Variants in ANKH observed in about 807,000 individuals in gnomAD.
ANKH encodes the protein ANKH inorganic pyrophosphate transport regulator.
ANKH carries 15 observed loss-of-function variants against 49.0 expected under a neutral mutation model. That is an observed-to-expected ratio of 0.31 (90% CI 0.20 to 0.47). The LOEUF is 0.47. Ranked by LOEUF, ANKH falls within the 20% of genes least tolerant of loss-of-function variation. The pLI, the probability that ANKH is intolerant of heterozygous loss-of-function variation, is 1.00. For synonymous variants in ANKH, 273 were observed against 260.0 expected (o/e 1.05, Z -0.48); for missense variants, 429 against 652.0 (o/e 0.66, Z 3.72).
intron 1 of ANKH, among the ~76,000 whole-genome samples, chr5:14,785,693 T>G (rs369353000): frequency 4.6e-5 from 7 of 152,348 alleles, no homozygotes; most frequent in African/African-American, 1.7e-4. Flanking sequence ...AATTTTAATA[T>G]AAATGTTAAG....
chr5:14,783,114 A>G (rs1027200451), intron 1 of ANKH, among the ~76,000 whole-genome samples: 1 of 152,074 alleles, frequency 6.6e-6, no homozygotes, highest in Non-Finnish European at 1.5e-5. Context: ...GGTCTGGGGC[A>G]CTTGATCTCG....
intron 1 of ANKH, among the ~76,000 whole-genome samples, chr5:14,792,077 AC>A: frequency 1.3e-5 from 2 of 152,218 alleles, no homozygotes; most frequent in East Asian, 3.9e-4. Context: ...ATCCTTTGGG[AC>A]GAGGGTGGAG....
chr5:14,754,592 T>TACAC (rs137954196), intron 4 of ANKH, among the ~76,000 whole-genome samples: 3,033 of 151,660 alleles, frequency 0.02, 47 homozygotes, highest in Non-Finnish European at 0.029. Context: ...TGCTAGTATT[T>TACAC]ACACACACAC....
chr5:14,744,064 A>G lies in ANKH; in HGVS notation c.915+1806T>C, dbSNP rs74560720. Among the ~76,000 whole-genome samples, 6 of 152,222 alleles carry G rather than the reference A, an allele frequency of 3.9e-5. No individual in the cohort carries two copies. The East Asian group carries it at 1.2e-3, about 29-fold the overall frequency. On this transcript the variant is annotated intron_variant, in intron 7 of 11. Coordinates refer to ENST00000284268, the MANE Select transcript of ANKH (RefSeq NM_054027.6). ...AAATTTAGCAAGAAGACATACATTC[A>G]TGCTGGTTTTCTAGGATTTACTTCT...
intron 1 of ANKH, among the ~76,000 whole-genome samples, chr5:14,808,099 T>C (rs1740760132): frequency 6.6e-6 from 1 of 152,196 alleles, no homozygotes; most frequent in African/African-American, 2.4e-5. Flanking sequence ...TTTTGAAAAC[T>C]GTTTTTTTAA....
At chr5:14,870,787 G>GAAAGA (rs1554011811) in intron 1 of ANKH, 4 of 142,788 alleles carry the variant, frequency 2.8e-5, no homozygotes, top group Non-Finnish European at 4.6e-5. Context: ...AAGAAAGAAA[G>GAAAGA]AAAAAAAAAG....
intron 1 of ANKH, among the ~76,000 whole-genome samples, chr5:14,785,753 A>G (rs1449069099): frequency 1.3e-5 from 2 of 152,326 alleles, no homozygotes; most frequent in Middle Eastern, 3.4e-3. Context: ...TATGTTTATT[A>G]TTTAAAAGTA....
At chr5:14,807,503 T>G (rs1420343147) in intron 1 of ANKH, among the ~76,000 whole-genome samples, 1 of 152,192 alleles carries the variant, frequency 6.6e-6, no homozygotes, top group East Asian at 1.9e-4. Flanking sequence ...CATGTCTTCC[T>G]AGGTACCGAT....
At chr5:14,805,485 TAC>T (rs111728811) in intron 1 of ANKH, among the ~76,000 whole-genome samples, 1,698 of 131,944 alleles carry the variant, frequency 0.013, 30 homozygotes, top group African/African-American at 0.037. Flanking sequence ...GTTTATAGGA[TAC>T]ACACACACAC....
chr5:14,750,388 C>A (rs1257342410), intron 5 of ANKH, among the ~76,000 whole-genome samples: 2 of 152,198 alleles, frequency 1.3e-5, no homozygotes, highest in Admixed American at 1.3e-4. Context: ...CAGGGCACAG[C>A]AAGATCTACC....
intron 1 of ANKH, among the ~76,000 whole-genome samples, chr5:14,866,194 C>A (rs556403092): frequency 6.6e-6 from 1 of 152,072 alleles, no homozygotes; most frequent in Non-Finnish European, 1.5e-5. Flanking sequence ...TTAGTAGAGA[C>A]GGGGTTTCTT....
intron 2 of ANKH, among the ~76,000 whole-genome samples, chr5:14,761,797 T>TAGA (rs1427784768): frequency 6.7e-5 from 10 of 149,716 alleles, no homozygotes; most frequent in African/African-American, 2.0e-4. Context: ...AGAGTCTCGC[T>TAGA]CTGTCTCGCC....
chr5:14,802,209 C>G (rs1354061217), intron 1 of ANKH, among the ~76,000 whole-genome samples: 1 of 152,098 alleles, frequency 6.6e-6, no homozygotes, highest in African/African-American at 2.4e-5. Flanking sequence ...ATCATTTAGT[C>G]CCTGACACTC....
rs369768405 is a variant in ANKH at position 14,785,960 on chromosome 5, C to T, written c.97-16769G>A. ...ACTTGGGAGGCTGAGGCAGGAGAATCGCTTGAACCCAGGAGGCACAGGTTG... is the reference window on the plus strand; with the variant it reads ...ACTTGGGAGGCTGAGGCAGGAGAATTGCTTGAACCCAGGAGGCACAGGTTG... On this transcript the variant is annotated intron_variant, in intron 1 of 11. Coordinates refer to ENST00000284268, the MANE Select transcript of ANKH (RefSeq NM_054027.6). Among the ~76,000 whole-genome samples, 14 of 148,114 alleles carry T rather than the reference C, an allele frequency of 9.5e-5. No homozygotes were observed. In the East Asian group the frequency reaches 2.4e-3, roughly 26 times the overall value.
At chr5:14,778,892 T>C (rs529851241) in intron 1 of ANKH, among the ~76,000 whole-genome samples, 4 of 152,292 alleles carry the variant, frequency 2.6e-5, no homozygotes, top group South Asian at 2.1e-4. Flanking sequence ...TGCACAATCA[T>C]GGTCTCCAAC....
chr5:14,787,949 G>A (rs557661686), intron 1 of ANKH, among the ~76,000 whole-genome samples: 19 of 152,302 alleles, frequency 1.2e-4, no homozygotes, highest in African/African-American at 3.6e-4. Context: ...TCCTATTAGT[G>A]CTGGTTTAAG....
At chr5:14,806,256 C>G (rs1385029085) in intron 1 of ANKH, among the ~76,000 whole-genome samples, 1 of 152,024 alleles carries the variant, frequency 6.6e-6, no homozygotes, top group African/African-American at 2.4e-5. Context: ...CCCCTCACGA[C>G]CTGCACCACC....
At chr5:14,747,089 C>T (rs891307549) in intron 6 of ANKH, among the ~76,000 whole-genome samples, 2 of 152,170 alleles carry the variant, frequency 1.3e-5, no homozygotes, top group African/African-American at 2.4e-5. Flanking sequence ...TCTAAGCCTC[C>T]ACTCCGTCCT....
chr5:14,763,252 G>A (rs957961703), intron 2 of ANKH, among the ~76,000 whole-genome samples: 4 of 152,242 alleles, frequency 2.6e-5, no homozygotes, highest in African/African-American at 9.6e-5. Context: ...CACAGGTACT[G>A]TTGTTGACCC....
Sources: gnomAD v4.1 joint callset for allele counts (sites outside exome capture counted in the v4.1 genomes callset) on GRCh38, gnomAD v4.1.1 for gene constraint, MANE v1.5 for transcripts, NCBI Gene and HGNC (gene_info 2026-07-23, HGNC 2026-07-21) for gene names.